The following PCDH15 variants were observed in gnomAD, a reference collection of about 807,000 sequenced individuals.
PCDH15 encodes protocadherin related 15.
PCDH15 carries 129 observed loss-of-function variants against 178.5 expected under a neutral mutation model. The observed-to-expected ratio is 0.72, with a 90% CI of 0.63 to 0.84. PCDH15 has a LOEUF of 0.84. Among genes scored for constraint, PCDH15 ranks in the 40% least tolerant of loss-of-function variants. The pLI is 0.00. For missense variants in PCDH15, 2,230 were observed against 2,099.9 expected (o/e 1.06, Z -1.21); for synonymous variants, 800 against 732.0 (o/e 1.09, Z -1.50).
chr10:55,092,431 T>G (rs1266234500), intron 2 of PCDH15, among the ~76,000 whole-genome samples: 2 of 151,894 alleles, frequency 1.3e-5, no homozygotes, highest in Non-Finnish European at 2.9e-5. Context: ...CTTTAAAGAA[T>G]TCCCATAATG....
rs376688656 is a variant in PCDH15 at position 55,472,132 on chromosome 10, T to C, written c.-156+155493A>G. On this transcript the variant is annotated intron_variant, in intron 2 of 5. Coordinates refer to the PCDH15 transcript ENST00000613346. ...ACTGTTTGTCTCCATTCTCTTACTT[T>C]CCCTCTCTCTTTGTGCTTTCTGAGA... 7.9e-5 allele frequency among the ~76,000 whole-genome samples: 12 copies of C among 152,196 alleles called. No individual in the cohort carries two copies. In the East Asian group the frequency reaches 1.2e-3, roughly 15 times the overall value.
intron 3 of PCDH15, among the ~76,000 whole-genome samples, chr10:54,500,478 C>A (rs2080564614): frequency 1.3e-5 from 2 of 151,962 alleles, no homozygotes; most frequent in South Asian, 4.1e-4. Context: ...ACATATTAAC[C>A]CCCAAATGAT....
At chr10:54,563,956 CA>C (rs1204385981) in intron 2 of PCDH15, among the ~76,000 whole-genome samples, 2 of 152,070 alleles carry the variant, frequency 1.3e-5, no homozygotes, top group East Asian at 3.9e-4. Flanking sequence ...TGCATAAAAG[CA>C]AAGCAAAACA....
At chr10:54,895,420 T>C (rs1488995791) in intron 3 of PCDH15, among the ~76,000 whole-genome samples, 1 of 152,210 alleles carries the variant, frequency 6.6e-6, no homozygotes, top group Non-Finnish European at 1.5e-5. Context: ...CATTGTACTA[T>C]ACTCAGACAA....
intron 2 of PCDH15, among the ~76,000 whole-genome samples, chr10:55,024,042 C>G (rs1186172716): frequency 7.2e-6 from 1 of 138,710 alleles, no homozygotes; most frequent in Non-Finnish European, 1.5e-5. Flanking sequence ...ATCTCTTTCT[C>G]TGATACAGAT....
chr10:53,832,114 C>T (rs151175642), intron 29 of PCDH15, among the ~76,000 whole-genome samples: 5 of 150,996 alleles, frequency 3.3e-5, no homozygotes, highest in Non-Finnish European at 5.9e-5. Context: ...GTTTTATGGT[C>T]AAATGGTGAA....
intron 29 of PCDH15, among the ~76,000 whole-genome samples, chr10:53,835,753 C>CA (rs539289403): frequency 3.6e-3 from 542 of 152,040 alleles, no homozygotes; most frequent in Non-Finnish European, 6.2e-3. Flanking sequence ...CATGTCTCTA[C>CA]AAAAAACAAA....
At chr10:54,910,116 G>A (rs1055091831) in intron 2 of PCDH15, among the ~76,000 whole-genome samples, 8 of 152,116 alleles carry the variant, frequency 5.3e-5, no homozygotes, top group African/African-American at 1.7e-4. Flanking sequence ...AGGGATGTGG[G>A]ACACAGGGGT....
intron 2 of PCDH15, among the ~76,000 whole-genome samples, chr10:55,477,558 TC>T (rs1206200630): frequency 1.3e-5 from 2 of 151,948 alleles, no homozygotes; most frequent in Admixed American, 6.6e-5. Context: ...GTAGCTTCTA[TC>T]TCTGTGGATT....
chr10:55,052,185 T>C (rs1284756380), intron 2 of PCDH15, among the ~76,000 whole-genome samples: 1 of 151,540 alleles, frequency 6.6e-6, no homozygotes, highest in Non-Finnish European at 1.5e-5. Context: ...CCTCTTGGGT[T>C]CAAGCCATTC....
chr10:54,442,492 G>GT (rs1191875353), intron 3 of PCDH15, among the ~76,000 whole-genome samples: 2 of 55,430 alleles, frequency 3.6e-5, no homozygotes, highest in African/African-American at 6.6e-5. Flanking sequence ...ATACTATTTT[G>GT]TTTTTTTTAA....
At position 53,822,815 on chromosome 10, in the gene PCDH15, C is replaced by CTCTT; in HGVS notation, c.4368-2589_4368-2586dup. On this transcript the variant is annotated intron_variant, in intron 32 of 37. Transcript: ENST00000644397. Reference sequence around the variant, plus strand: ...TCAGTGTTTCACCTTGCCTTATTTCCTCTTTCTCTGTCAAATTTGCCTCTT... The same window carrying CTCTT: ...TCAGTGTTTCACCTTGCCTTATTTCCTCTTTCTTTCTCTGTCAAATTTGCCTCTT... The CTCTT allele has an allele frequency of 6.2e-7, 1 of 1,613,978 alleles. No homozygotes were observed. Among genetic ancestry groups the CTCTT allele is most frequent in the Non-Finnish European group, 8.5e-7 (1 of 1,179,932 alleles).
intron 15 of PCDH15, among the ~76,000 whole-genome samples, chr10:54,117,083 C>T (rs1173408064): frequency 1.3e-5 from 2 of 152,140 alleles, no homozygotes; most frequent in African/African-American, 4.8e-5. Flanking sequence ...GACTGCTGGG[C>T]TTGTTCCACC....
At chr10:54,275,530 A>C (rs1214427732) in intron 8 of PCDH15, among the ~76,000 whole-genome samples, 1 of 151,864 alleles carries the variant, frequency 6.6e-6, no homozygotes, top group Non-Finnish European at 1.5e-5. Context: ...CAAGAACTTG[A>C]AAGAAAAAAA....
At chr10:55,084,462 T>TAAAAAAAAAAAAAAAAA (rs71461276) in intron 2 of PCDH15, among the ~76,000 whole-genome samples, 1 of 145,560 alleles carries the variant, frequency 6.9e-6, no homozygotes, top group East Asian at 2.1e-4. Flanking sequence ...CCTCAAGCTG[T>TAAAAAAAAAAAAAAAAA]AAAAAAAAAA....
chr10:54,414,588 C>G (rs866799559), intron 3 of PCDH15, among the ~76,000 whole-genome samples: 1 of 152,198 alleles, frequency 6.6e-6, no homozygotes, highest in Non-Finnish European at 1.5e-5. Context: ...ATTTAAAACA[C>G]AGTTGTCAAC....
chr10:54,675,977 A>G (rs1262437538), intron 1 of PCDH15, among the ~76,000 whole-genome samples: 1 of 152,180 alleles, frequency 6.6e-6, no homozygotes, highest in Non-Finnish European at 1.5e-5. Flanking sequence ...TAGTTTTAAC[A>G]CTTATTCCTG....
intron 3 of PCDH15, among the ~76,000 whole-genome samples, chr10:54,397,849 A>C (rs2135428925): frequency 6.6e-6 from 1 of 151,798 alleles, no homozygotes; most frequent in East Asian, 1.9e-4. Context: ...TAGACCTTTT[A>C]AAATTAAGAT....
chr10:53,805,131 A>C lies in PCDH15; in HGVS notation c.*1448T>G, dbSNP rs569471842. The C allele has an allele frequency of 2.6e-5, 4 of 152,184 alleles. No homozygotes were observed. The South Asian group carries it at 8.3e-4, about 32-fold the overall frequency. 9.4% of individuals were successfully genotyped at this position (152,184 alleles called of 1,614,324 possible). A position where few individuals can be genotyped will look rare whatever the true frequency, so the allele number is the denominator to read the frequency against. ...GGAAATGAGGAAATAGCATAATAAT[A>C]AACAATTTTTAAGACGCGAAACATG... On this transcript the variant is annotated 3_prime_UTR_variant, in exon 38 of 38. Coordinates refer to ENST00000644397, the MANE Select transcript of PCDH15 (RefSeq NM_001384140.1).
Sources: gnomAD v4.1 joint callset for allele counts (sites outside exome capture counted in the v4.1 genomes callset) on GRCh38, gnomAD v4.1.1 for gene constraint, MANE v1.5 for transcripts, NCBI Gene and HGNC (gene_info 2026-07-23, HGNC 2026-07-21) for gene names.